Variants in TBC1D12 observed in about 807,000 individuals in gnomAD.
TBC1D12 encodes the protein TBC1 domain family member 12, also known as TBC1 domain family, member 12.
Under a neutral mutation model 86.7 loss-of-function variants are expected in TBC1D12, and 56 were observed. The observed-to-expected ratio is 0.65, with a 90% CI of 0.52 to 0.81. TBC1D12 has a LOEUF of 0.81. TBC1D12 is among the 30% of genes least tolerant of loss of function. The pLI, the probability that TBC1D12 is intolerant of heterozygous loss-of-function variation, is 0.00. For missense variants in TBC1D12, 1,023 were observed against 1,038.8 expected (o/e 0.98, Z 0.21); for synonymous variants, 421 against 411.7 (o/e 1.02, Z -0.27).
intron 9 of TBC1D12, among the ~76,000 whole-genome samples, chr10:94,516,052 A>G (rs887085668): frequency 7.0e-6 from 1 of 141,962 alleles, no homozygotes; most frequent in South Asian, 2.6e-4. Flanking sequence ...TTGCCATTTA[A>G]TATTTTCAGA....
intron 1 of TBC1D12, among the ~76,000 whole-genome samples, chr10:94,435,341 T>C (rs1234996514): frequency 1.3e-5 from 2 of 152,220 alleles, no homozygotes; most frequent in Non-Finnish European, 2.9e-5. Flanking sequence ...TCTAACAGTG[T>C]TCTTCCCCTT....
intron 1 of TBC1D12, among the ~76,000 whole-genome samples, chr10:94,437,534 G>T (rs1370172922): frequency 1.3e-5 from 2 of 152,044 alleles, no homozygotes; most frequent in African/African-American, 4.8e-5. Context: ...CACCATGTTA[G>T]CCAGGAAGGT....
chr10:94,506,281 C>T (rs2056459854), intron 6 of TBC1D12, among the ~76,000 whole-genome samples: 1 of 152,098 alleles, frequency 6.6e-6, no homozygotes, highest in Non-Finnish European at 1.5e-5. Flanking sequence ...TCAGGTGATC[C>T]ACCCGCCTCG....
rs2054796042 is a variant in TBC1D12 at position 94,403,243 on chromosome 10, G to C, written c.630G>C (p.Gln210His). The C allele has an allele frequency of 2.7e-6, 4 of 1,507,542 alleles. No individual in the cohort carries two copies. The highest frequency in any genetic ancestry group is 3.5e-6 in the Non-Finnish European group (4 of 1,129,782). The allele number at this position is 1,507,542 out of a possible 1,614,324, so 93.4% of individuals were successfully genotyped here. Reference protein sequence around the residue: ...RSCCLVAADAQEPEGAGSDSG... With the variant: ...RSCCLVAADAHEPEGAGSDSG... ...GCTGCCTGGTGGCCGCGGACGCCCA[G>C]GAGCCCGAGGGCGCGGGCAGCGACT... The change falls in exon 1 of 13, where the codon CAG becomes CAC. Residue 210 changes from glutamine (Q) to histidine (H), a missense_variant. By Grantham distance (24) the Gln-to-His change is conservative. Coordinates refer to ENST00000225235, the MANE Select transcript of TBC1D12 (RefSeq NM_015188.2).
intron 1 of TBC1D12, among the ~76,000 whole-genome samples, chr10:94,433,861 A>G (rs553862386): frequency 8.5e-5 from 13 of 152,346 alleles, no homozygotes; most frequent in African/African-American, 3.1e-4. Flanking sequence ...TTTCTAATAT[A>G]AAGAATGGAA....
chr10:94,507,573 G>C (rs2056475403), intron 7 of TBC1D12, among the ~76,000 whole-genome samples: 1 of 152,072 alleles, frequency 6.6e-6, no homozygotes, highest in East Asian at 1.9e-4. Flanking sequence ...GTATGTAAAA[G>C]GTAAAGAAGT....
chr10:94,511,655 G>A lies in TBC1D12; in HGVS notation c.1761+1G>A. The A allele has an allele frequency of 6.2e-7, 1 of 1,604,742 alleles. No homozygotes were observed. The highest frequency in any genetic ancestry group is 8.5e-7 in the Non-Finnish European group (1 of 1,173,392). On this transcript the variant is annotated splice_donor_variant, in intron 9 of 12. Transcript: ENST00000225235. LOFTEE classifies it high-confidence loss of function. The stretch of plus-strand genomic sequence containing the variant: ...ATGCTACAGGCCTGATGTTGGTTAT[G>A]TAAGTATTTGTTTCCATCTGTTTTT...
At chr10:94,430,504 A>G (rs977299041) in intron 1 of TBC1D12, among the ~76,000 whole-genome samples, 2 of 152,218 alleles carry the variant, frequency 1.3e-5, no homozygotes, top group African/African-American at 4.8e-5. Context: ...AATTTGCATG[A>G]TATCAATAAA....
At chr10:94,484,586 T>C (rs941930769) in intron 3 of TBC1D12, among the ~76,000 whole-genome samples, 1 of 152,190 alleles carries the variant, frequency 6.6e-6, no homozygotes, top group Non-Finnish European at 1.5e-5. Flanking sequence ...TCTTGGACTT[T>C]TTTGGTTGCA....
At position 94,533,382 on chromosome 10, in the gene TBC1D12, T is replaced by A. The variant is rs959211417; in HGVS notation, c.*286T>A. ...GAGTAAACAAAATGCAATAAATTTTTAAAATAGCTTTGAAGATACTTCAAA... is the reference window on the plus strand; with the variant it reads ...GAGTAAACAAAATGCAATAAATTTTAAAAATAGCTTTGAAGATACTTCAAA... On this transcript the variant is annotated 3_prime_UTR_variant, in exon 13 of 13. Coordinates refer to ENST00000225235, the MANE Select transcript of TBC1D12 (RefSeq NM_015188.2). The A allele has an allele frequency of 4.2e-6, 1 of 240,080 alleles. No homozygotes were observed. The highest frequency in any genetic ancestry group is 7.9e-6 in the Non-Finnish European group (1 of 125,904). The allele number at this position is 240,080 out of a possible 1,614,324, so 14.9% of individuals were successfully genotyped here.
intron 3 of TBC1D12, among the ~76,000 whole-genome samples, chr10:94,478,480 A>G (rs189020975): frequency 6.6e-6 from 1 of 152,280 alleles, no homozygotes; most frequent in East Asian, 1.9e-4. Context: ...AGGCAGAGGC[A>G]GGGGCAGACC....
intron 2 of TBC1D12, among the ~76,000 whole-genome samples, chr10:94,464,997 T>C (rs1416373873): frequency 6.6e-6 from 1 of 152,228 alleles, no homozygotes; most frequent in Non-Finnish European, 1.5e-5. Flanking sequence ...CTCACAGTTA[T>C]GTATGTAGTA....
chr10:94,431,745 G>C (rs529134036), intron 1 of TBC1D12, among the ~76,000 whole-genome samples: 4 of 152,300 alleles, frequency 2.6e-5, no homozygotes, highest in African/African-American at 9.6e-5. Context: ...TTTCCTGTGG[G>C]GATGGGGAGC....
intron 6 of TBC1D12, among the ~76,000 whole-genome samples, chr10:94,500,562 A>T (rs1377554299): frequency 7.9e-5 from 12 of 152,218 alleles, no homozygotes; most frequent in Non-Finnish European, 1.8e-4. Context: ...AACTATCAAT[A>T]ATCTTCTTGG....
intron 7 of TBC1D12, chr10:94,509,374 TGA>T (rs1415235391): frequency 6.6e-6 from 1 of 152,302 alleles, no homozygotes; most frequent in Non-Finnish European, 1.5e-5. Flanking sequence ...ATTACAGGCA[TGA>T]GCCACCACAC....
chr10:94,403,265 G>A lies in TBC1D12; in HGVS notation c.652G>A (p.Asp218Asn). Residue 218 changes from aspartate to asparagine, a missense_variant, in exon 1 of 13, where the codon GAC becomes AAC. Around this residue, in one of 2 missense-constraint regions of TBC1D12, gnomAD observed 628 missense variants for 531.1 expected, o/e 1.18. Transcript: ENST00000225235. Reference sequence around the variant, plus strand: ...CCAGGAGCCCGAGGGCGCGGGCAGCGACTCGGGGGACAGCCCCGCCAGCAG... The same window carrying A: ...CCAGGAGCCCGAGGGCGCGGGCAGCAACTCGGGGGACAGCCCCGCCAGCAG... Reference protein sequence around the residue: ...DAQEPEGAGSDSGDSPASSCS... With the variant: ...DAQEPEGAGSNSGDSPASSCS... 6.7e-7 allele frequency: 1 copy of A among 1,502,102 alleles called. No individual in the cohort carries two copies. Among genetic ancestry groups the A allele is most frequent in the Non-Finnish European group, 8.9e-7 (1 of 1,127,528 alleles). 93.0% of individuals were successfully genotyped at this position (1,502,102 alleles called of 1,614,324 possible).
At chr10:94,529,046 C>CTG (rs1842364167) in intron 11 of TBC1D12, among the ~76,000 whole-genome samples, 1 of 151,858 alleles carries the variant, frequency 6.6e-6, no homozygotes. Flanking sequence ...GGCTCCCACT[C>CTG]TGTCACCCAG....
intron 9 of TBC1D12, among the ~76,000 whole-genome samples, chr10:94,520,744 C>G (rs1842128236): frequency 6.6e-6 from 1 of 151,768 alleles, no homozygotes; most frequent in Non-Finnish European, 1.5e-5. Context: ...ACTGCAAGCT[C>G]CGCCTCCCAG....
intron 5 of TBC1D12, among the ~76,000 whole-genome samples, chr10:94,498,303 T>C (rs900343106): frequency 1.3e-5 from 2 of 152,228 alleles, no homozygotes; most frequent in Non-Finnish European, 2.9e-5. Flanking sequence ...TTCCCTTATG[T>C]AAATGTCCCA....
Sources: allele counts gnomAD v4.1 joint callset (sites outside exome capture counted in the v4.1 genomes callset), GRCh38; gene constraint gnomAD v4.1.1; regional missense constraint gnomAD v4.1.1; transcripts MANE v1.5; gene names NCBI Gene and HGNC (gene_info 2026-07-23, HGNC 2026-07-21).